Variants in CEP85L observed in about 807,000 individuals in gnomAD.
CEP85L encodes the protein centrosomal protein 85L, also known as centrosomal protein of 85 kDa-like.
A neutral mutation model predicts 100.3 loss-of-function variants in CEP85L; 60 were observed. The ratio of observed to expected loss-of-function variants is 0.60; its 90% CI spans 0.49 to 0.74. The LOEUF (loss-of-function observed/expected upper bound fraction) is 0.74. Ranked by LOEUF, CEP85L falls within the 30% of genes least tolerant of loss-of-function variation. CEP85L has a pLI of 0.00. For missense variants in CEP85L, 973 were observed against 936.2 expected, an observed-to-expected ratio of 1.04 and a Z score of -0.51; for synonymous variants, 319 against 322.7, an observed-to-expected ratio of 0.99 and a Z score of 0.12.
chr6:118,649,029 G>A (rs1775380367), intron 1 of CEP85L, among the ~76,000 whole-genome samples: 1 of 151,964 alleles, frequency 6.6e-6, no homozygotes. Flanking sequence ...AGGAAAAAAG[G>A]TCCCTACATG....
intron 4 of CEP85L, among the ~76,000 whole-genome samples, chr6:118,520,322 A>C (rs1776583667): frequency 6.6e-6 from 1 of 152,242 alleles, no homozygotes; most frequent in South Asian, 2.1e-4. Flanking sequence ...CTACAAAAAA[A>C]TACCTACTTA....
chr6:118,675,064 G>A (rs1399208183), intron 1 of CEP85L, among the ~76,000 whole-genome samples: 1 of 152,076 alleles, frequency 6.6e-6, no homozygotes, highest in Non-Finnish European at 1.5e-5. Flanking sequence ...TCAAATGTCT[G>A]TCAACTCATA....
chr6:118,708,267 G>A (rs972853389), intron 1 of CEP85L, among the ~76,000 whole-genome samples: 9 of 152,218 alleles, frequency 5.9e-5, no homozygotes, highest in Non-Finnish European at 1.2e-4. Context: ...TGGAGTTCAT[G>A]AGCGAGGTGT....
chr6:118,580,671 T>C (rs765552695), intron 2 of CEP85L, among the ~76,000 whole-genome samples: 4 of 152,188 alleles, frequency 2.6e-5, no homozygotes, highest in Non-Finnish European at 5.9e-5. Context: ...ACTGAGCATC[T>C]CTGGGCAGGG....
At chr6:118,521,729 G>A (rs955396946) in intron 4 of CEP85L, among the ~76,000 whole-genome samples, 3 of 152,078 alleles carry the variant, frequency 2.0e-5, no homozygotes, top group African/African-American at 7.2e-5. Flanking sequence ...CCTCCTGCAG[G>A]ATGACAGAAC....
chr6:118,588,345 G>A (rs1291432854), intron 2 of CEP85L, among the ~76,000 whole-genome samples: 1 of 152,140 alleles, frequency 6.6e-6, no homozygotes, highest in Non-Finnish European at 1.5e-5. Context: ...AATGAGGATG[G>A]AAGGCAACTG....
chr6:118,587,687 A>G (rs571518073), intron 2 of CEP85L, among the ~76,000 whole-genome samples: 1 of 152,316 alleles, frequency 6.6e-6, no homozygotes, highest in Non-Finnish European at 1.5e-5. Flanking sequence ...GGCGAACTGA[A>G]GACATCTGGA....
At chr6:118,583,825 A>T (rs1435565843) in intron 2 of CEP85L, among the ~76,000 whole-genome samples, 1 of 152,170 alleles carries the variant, frequency 6.6e-6, no homozygotes, top group Non-Finnish European at 1.5e-5. Context: ...CTGGTTCAGG[A>T]CCTTCGCCTC....
chr6:118,586,668 A>C (rs1483649767), intron 2 of CEP85L, among the ~76,000 whole-genome samples: 1 of 152,228 alleles, frequency 6.6e-6, no homozygotes, highest in East Asian at 1.9e-4. Flanking sequence ...GGAAGATCTT[A>C]AGCTGAAAAT....
intron 1 of CEP85L, among the ~76,000 whole-genome samples, chr6:118,674,755 A>G (rs1029524575): frequency 6.6e-6 from 1 of 152,214 alleles, no homozygotes; most frequent in African/African-American, 2.4e-5. Context: ...CATAACCATA[A>G]TGAGACACCA....
rs577988358 is a variant in CEP85L, at chr6:118,463,306, G to A, written c.*2099C>T. 6.6e-6 allele frequency: 1 copy of A among 151,740 alleles called. No homozygotes were observed. Among genetic ancestry groups the A allele is most frequent in the Non-Finnish European group, 1.5e-5 (1 of 67,864 alleles). 9.4% of individuals were successfully genotyped at this position (151,740 alleles called of 1,614,324 possible). On this transcript the variant is annotated 3_prime_UTR_variant, in exon 13 of 13. Transcript: ENST00000368491. ...CCCAAAACATACACTAAAAATCTAG[G>A]AGAGATATTTAAGTAAGAACCTACT...
At chr6:118,655,038 G>A (rs1418060646), upstream of CEP85L, among the ~76,000 whole-genome samples, 1 of 151,750 alleles carries the variant, frequency 6.6e-6, no homozygotes, top group Non-Finnish European at 1.5e-5. Flanking sequence ...GAATTATGGT[G>A]AAATAGTACA....
chr6:118,611,786 G>A (rs1055436177), intron 2 of CEP85L, among the ~76,000 whole-genome samples: 3 of 152,170 alleles, frequency 2.0e-5, no homozygotes, highest in Non-Finnish European at 2.9e-5. Flanking sequence ...TAAAAGGGCC[G>A]ACAGACCAAG....
chr6:118,648,140 G>A (rs528467618), intron 1 of CEP85L, among the ~76,000 whole-genome samples: 61 of 152,158 alleles, frequency 4.0e-4, no homozygotes, highest in Non-Finnish European at 7.6e-4. Flanking sequence ...GGTAATCCCA[G>A]CCATTTGGGA....
chr6:118,636,399 A>G (rs1415209747), intron 1 of CEP85L, among the ~76,000 whole-genome samples: 2 of 146,850 alleles, frequency 1.4e-5, no homozygotes, highest in Non-Finnish European at 1.5e-5. Flanking sequence ...ATAAATGTCA[A>G]CAAGTGTTTT....
rs570530160 is a variant in CEP85L at position 118,657,646 on chromosome 6, T to C, written c.-27-4838A>G. On this transcript the variant is annotated intron_variant, in intron 1 of 13. Coordinates refer to the CEP85L transcript ENST00000368488. ...GAAAGACAGACACGACAGTTTCAAG[T>C]TGGACTCAGAATACCACTTGGGCAC... is the stretch of plus-strand genomic sequence containing the variant. Among the ~76,000 whole-genome samples, 11 of 152,196 alleles carry C rather than the reference T, an allele frequency of 7.2e-5. No individual in the cohort carries two copies. The South Asian group carries it at 2.3e-3, about 32-fold the overall frequency.
chr6:118,619,312 T>C (rs777728604), intron 2 of CEP85L, among the ~76,000 whole-genome samples: 21 of 152,158 alleles, frequency 1.4e-4, no homozygotes, highest in Non-Finnish European at 1.0e-4. Context: ...TGGAGAAACT[T>C]GGCCCCCTGA....
In CEP85L at chr6:118,465,207, ATTTGAT is replaced by A; in HGVS notation, c.*192_*197del. 1 of 480,218 alleles carries A rather than the reference ATTTGAT, an allele frequency of 2.1e-6. No individual in the cohort carries two copies. Among genetic ancestry groups the A allele is most frequent in the Middle Eastern group, 4.8e-4 (1 of 2,080 alleles). 29.7% of individuals were successfully genotyped at this position (480,218 alleles called of 1,614,324 possible). On this transcript the variant is annotated 3_prime_UTR_variant, in exon 13 of 13. Transcript: ENST00000368491. Reference sequence around the variant, plus strand: ...GATTTTATCATATTTTCCAAAGGTAATTTGATTTTTTTTCTTTTTGCCTGATTAGAT... The same window carrying A: ...GATTTTATCATATTTTCCAAAGGTAATTTTTTTCTTTTTGCCTGATTAGAT...
In CEP85L at chr6:118,600,300, GGTGTGTGTGTGTGTGTGTGTGT is replaced by G. The variant is rs59278037; in HGVS notation, c.232+32131_232+32152del. Among the ~76,000 whole-genome samples the G allele has an allele frequency of 4.6e-4, 24 of 52,246 alleles. 3 individuals are homozygous for G. In the South Asian group the frequency reaches 4.9e-3, roughly 11 times the overall value. 34.3% of individuals were successfully genotyped at this position (52,246 alleles called of 152,430 possible). A position where few individuals can be genotyped will look rare whatever the true frequency, so the allele number is the denominator to read the frequency against. On this transcript the variant is annotated intron_variant, in intron 2 of 12. Transcript: ENST00000368491. ...CTGCCTGTCCCTGAGCCTTCCTGGGGGTGTGTGTGTGTGTGTGTGTGTGTGTGTGTGTGTGTGTGTGTGTGTG... is the reference window on the plus strand; with the variant it reads ...CTGCCTGTCCCTGAGCCTTCCTGGGGGTGTGTGTGTGTGTGTGTGTGTGTG...
Sources: allele counts gnomAD v4.1 joint callset (sites outside exome capture counted in the v4.1 genomes callset), GRCh38; gene constraint gnomAD v4.1.1; transcripts MANE v1.5; gene names NCBI Gene and HGNC (gene_info 2026-07-23, HGNC 2026-07-21).